Variants in GALNT11 observed in about 807,000 individuals in gnomAD.
GALNT11 encodes the protein polypeptide N-acetylgalactosaminyltransferase 11.
Under a neutral mutation model 72.7 loss-of-function variants are expected in GALNT11, and 47 were observed. The ratio of observed to expected loss-of-function variants is 0.65; its 90% CI spans 0.51 to 0.82. The LOEUF (loss-of-function observed/expected upper bound fraction) is 0.82. Among genes scored for constraint, GALNT11 ranks in the 40% least tolerant of loss-of-function variants. The probability of loss-of-function intolerance (pLI) is 0.00; values close to 1 mark genes in which losing one functional copy is unlikely to be tolerated. For synonymous variants in GALNT11, 270 were observed against 286.6 expected (o/e 0.94, Z 0.58); for missense variants, 677 against 778.4 (o/e 0.87, Z 1.55).
intron 11 of GALNT11, 100 bp from the exon 12 acceptor site, chr7:152,121,446 G>A: frequency 7.1e-7 from 1 of 1,418,374 alleles, no homozygotes; most frequent in Non-Finnish European, 9.6e-7. Context: ...GGGGACTATT[G>A]TATCCCTTAA....
intron 1 of GALNT11, among the ~76,000 whole-genome samples, chr7:152,026,094 G>T: frequency 6.6e-6 from 1 of 152,054 alleles, no homozygotes; most frequent in Non-Finnish European, 1.5e-5. Context: ...GTCTCCTGAG[G>T]CTTGTTCGCG....
intron 1 of GALNT11, among the ~76,000 whole-genome samples, chr7:152,081,875 G>C (rs928159320): frequency 4.6e-5 from 7 of 151,938 alleles, no homozygotes; most frequent in African/African-American, 1.7e-4. Context: ...TTTTTCACCT[G>C]ACAACATAAT....
intron 1 of GALNT11, among the ~76,000 whole-genome samples, chr7:152,066,501 A>G (rs2084319884): frequency 6.6e-6 from 1 of 152,206 alleles, no homozygotes; most frequent in South Asian, 2.1e-4. Flanking sequence ...TCAGTTGGAA[A>G]TGCAGAAATC....
chr7:152,098,453 TTTAAAA>T (rs1253787600), intron 2 of GALNT11, among the ~76,000 whole-genome samples: 14 of 151,862 alleles, frequency 9.2e-5, no homozygotes, highest in African/African-American at 3.4e-4. Flanking sequence ...AATAAATAAA[TTTAAAA>T]TTAAAAACAT....
intron 1 of GALNT11, among the ~76,000 whole-genome samples, chr7:152,041,285 C>G (rs1406879694): frequency 6.6e-6 from 1 of 152,156 alleles, no homozygotes; most frequent in Non-Finnish European, 1.5e-5. Flanking sequence ...AAAATTCAGA[C>G]AGTTTTGTTT....
At chr7:152,080,905 G>A (rs911621060) in intron 1 of GALNT11, among the ~76,000 whole-genome samples, 64 of 152,090 alleles carry the variant, frequency 4.2e-4, no homozygotes, top group African/African-American at 1.5e-3. Context: ...AGGAGGCAGA[G>A]GTTGCAGTGA....
At chr7:152,064,921 A>G (rs1450085121) in intron 1 of GALNT11, among the ~76,000 whole-genome samples, 2 of 152,190 alleles carry the variant, frequency 1.3e-5, no homozygotes, top group Non-Finnish European at 2.9e-5. Context: ...GAATCCGCCA[A>G]TTATGTGCCT....
intron 5 of GALNT11, among the ~76,000 whole-genome samples, chr7:152,106,226 A>G (rs1224694492): frequency 6.6e-6 from 1 of 152,226 alleles, no homozygotes; most frequent in Non-Finnish European, 1.5e-5. Context: ...GAATGATGGA[A>G]CTTGGTGGGG....
intron 4 of GALNT11, 143 bp downstream of exon 4, chr7:152,103,421 G>T (rs1057483010): frequency 1.1e-5 from 8 of 743,646 alleles, no homozygotes; most frequent in Non-Finnish European, 1.6e-5. Context: ...CCACAAATAA[G>T]TCTGAAGAAA....
chr7:152,050,992 A>G (rs189620361), intron 1 of GALNT11, among the ~76,000 whole-genome samples: 20 of 152,144 alleles, frequency 1.3e-4, no homozygotes, highest in Admixed American at 5.9e-4. Context: ...GGAATGGGAG[A>G]GGGGTGGTGT....
chr7:152,108,259 C>T lies in GALNT11; in HGVS notation c.934C>T (p.Arg312Ter), dbSNP rs187517533. 11 of 1,613,060 alleles carry T rather than the reference C, an allele frequency of 6.8e-6. No homozygotes were observed. Among genetic ancestry groups the T allele is most frequent in the African/African-American group, 2.7e-5 (2 of 75,026 alleles). Reference sequence around the variant, plus strand: ...TCTTGTCCCCCTTTCTGAGCTAGGACGAGCGGAGGGAGCCACTGCACCAAT... The same window carrying T: ...TCTTGTCCCCCTTTCTGAGCTAGGATGAGCGGAGGGAGCCACTGCACCAAT... ...WDLVPLSELG[R>*]AEGATAPIKS... The change falls in exon 6 of 12, where the codon CGA becomes TGA. Residue 312 changes from arginine to a stop codon, truncating the protein, a stop_gained. Transcript: ENST00000430044. LOFTEE classifies it high-confidence loss of function.
chr7:152,037,086 G>A (rs1018814049), intron 1 of GALNT11, among the ~76,000 whole-genome samples: 1 of 152,170 alleles, frequency 6.6e-6, no homozygotes, highest in Non-Finnish European at 1.5e-5. Context: ...TTAACTTGAT[G>A]TGATACCATT....
chr7:152,108,329 C>T, intron 6 of GALNT11, 42 bp downstream of exon 6: 1 of 1,568,668 alleles, frequency 6.4e-7, no homozygotes, highest in Non-Finnish European at 8.7e-7. Context: ...ACCAGTGCTT[C>T]CTTAAAAGAG....
At chr7:152,053,549 G>A (rs943961914) in intron 1 of GALNT11, among the ~76,000 whole-genome samples, 1 of 152,142 alleles carries the variant, frequency 6.6e-6, no homozygotes, top group Non-Finnish European at 1.5e-5. Flanking sequence ...TATCTTTATT[G>A]TAGCACACTT....
At chr7:152,096,953 G>C (rs1030192312) in intron 2 of GALNT11, among the ~76,000 whole-genome samples, 2 of 152,032 alleles carry the variant, frequency 1.3e-5, no homozygotes, top group African/African-American at 4.8e-5. Flanking sequence ...TCAGCCTCTC[G>C]AGTAGCTGGG....
Position 152,117,320 on chromosome 7 carries a change from A to T in GALNT11, c.1397A>T (p.Gln466Leu), listed in dbSNP as rs2088959610. The T allele has an allele frequency of 6.2e-7, 1 of 1,614,230 alleles. No homozygotes were observed. Among genetic ancestry groups the T allele is most frequent in the Non-Finnish European group, 8.5e-7 (1 of 1,180,036 alleles). ...TCTGGGTCCCACGCCAAACCCCAAC[A>T]ACCCATTTTTGTCAATAGAGGGCCA... Reference protein sequence around the residue: ...QISGSHAKPQQPIFVNRGPKR... With the variant: ...QISGSHAKPQLPIFVNRGPKR... Residue 466 changes from glutamine (Q) to leucine (L), a missense_variant, in exon 9 of 12, where the codon CAA (glutamine) becomes CTA (leucine). Transcript: ENST00000430044.
intron 1 of GALNT11, among the ~76,000 whole-genome samples, chr7:152,028,568 A>C (rs1258273395): frequency 6.6e-6 from 1 of 152,184 alleles, no homozygotes; most frequent in African/African-American, 2.4e-5. Context: ...GTGTGTTTAC[A>C]AACCTTTAGC....
At chr7:152,053,809 CATAA>C (rs906147388) in intron 1 of GALNT11, among the ~76,000 whole-genome samples, 1 of 152,170 alleles carries the variant, frequency 6.6e-6, no homozygotes, top group South Asian at 2.1e-4. Flanking sequence ...GCCTGAGCAA[CATAA>C]ATAAATAAAC....
chr7:152,088,386 GT>G (rs200440997), intron 1 of GALNT11, among the ~76,000 whole-genome samples: 3 of 151,388 alleles, frequency 2.0e-5, no homozygotes, highest in Non-Finnish European at 2.9e-5. Flanking sequence ...AACCATTTGG[GT>G]TTTTTTTCTT....
Sources: allele counts gnomAD v4.1 joint callset (sites outside exome capture counted in the v4.1 genomes callset), GRCh38; gene constraint gnomAD v4.1.1; transcripts MANE v1.5; gene names NCBI Gene and HGNC (gene_info 2026-07-23, HGNC 2026-07-21).